The following PAK2 variants were observed in gnomAD, a reference collection of about 807,000 sequenced individuals.
The protein encoded by PAK2 is p21 (RAC1) activated kinase 2, also known as serine/threonine-protein kinase PAK 2.
A neutral mutation model predicts 65.9 loss-of-function variants in PAK2; 21 were observed. The ratio of observed to expected loss-of-function variants is 0.32; its 90% CI spans 0.23 to 0.46. The LOEUF (loss-of-function observed/expected upper bound fraction) is 0.46, where lower values mean the gene tolerates loss of function less well. Ranked by LOEUF, PAK2 falls within the 20% of genes least tolerant of loss-of-function variation. The probability of loss-of-function intolerance (pLI) is 1.00; values close to 1 mark genes in which losing one functional copy is unlikely to be tolerated. For missense variants in PAK2, 324 were observed against 642.6 expected (o/e 0.50, Z 5.36); for synonymous variants, 204 against 219.7 (o/e 0.93, Z 0.63).
chr3:196,825,425 C>T (rs771700838), intron 13 of PAK2, among the ~76,000 whole-genome samples: 162 of 150,548 alleles, frequency 1.1e-3, no homozygotes, highest in African/African-American at 3.6e-3. Flanking sequence ...GGGCAGATCA[C>T]AAAGTTGGGA....
intron 12 of PAK2, among the ~76,000 whole-genome samples, chr3:196,819,225 T>C (rs1280584505): frequency 6.6e-6 from 1 of 152,094 alleles, no homozygotes; most frequent in East Asian, 1.9e-4. Flanking sequence ...GTGGATTGCT[T>C]GAGCCCAGGA....
chr3:196,748,870 A>G (rs139245403), intron 1 of PAK2, among the ~76,000 whole-genome samples: 2,322 of 152,266 alleles, frequency 0.015, 104 homozygotes, highest in Admixed American at 0.097. Context: ...ATAGTGTGCA[A>G]TTATCACCAC....
intron 1 of PAK2, among the ~76,000 whole-genome samples, chr3:196,756,358 T>TA (rs1023543829): frequency 3.3e-5 from 5 of 152,230 alleles, no homozygotes; most frequent in African/African-American, 1.2e-4. Flanking sequence ...TTCTGGGTTT[T>TA]TTTTGCCTAA....
chr3:196,782,578 TCGTGCTA>T, intron 1 of PAK2, 41 bp from the exon 2 acceptor site: 1 of 867,968 alleles, frequency 1.2e-6, no homozygotes, highest in Non-Finnish European at 1.8e-6. Context: ...TTTTGCTTGT[TCGTGCTA>T]TTTTTTACTT....
intron 1 of PAK2, chr3:196,747,254 GTGTTTTCGATGAGCGGTAAT>G: frequency 6.6e-6 from 1 of 151,658 alleles, no homozygotes; most frequent in East Asian, 1.9e-4. Context: ...TTCCTTTAAT[GTGTTTTCGATGAGCGGTAAT>G]CGCTCCTCGG....
At chr3:196,827,065 A>C (rs1487542234) in intron 13 of PAK2, 131 bp from the exon 14 acceptor site, 5 of 500,194 alleles carry the variant, frequency 1.0e-5, no homozygotes, top group Non-Finnish European at 1.8e-5. Context: ...TTTAAATGGG[A>C]TAATGATAAC....
At chr3:196,755,101 G>A (rs143839153) in intron 1 of PAK2, among the ~76,000 whole-genome samples, 1 of 152,258 alleles carries the variant, frequency 6.6e-6, no homozygotes, top group Non-Finnish European at 1.5e-5. Context: ...AAATTGTATT[G>A]GTGGAGATTT....
chr3:196,789,565 C>CA (rs889852626), intron 2 of PAK2, among the ~76,000 whole-genome samples: 2 of 151,960 alleles, frequency 1.3e-5, no homozygotes, highest in Admixed American at 6.6e-5. Flanking sequence ...TGGGTACAAG[C>CA]AATTCCCCTG....
intron 3 of PAK2, 58 bp downstream of exon 3, chr3:196,802,085 C>A: frequency 1.1e-6 from 1 of 892,880 alleles, no homozygotes; most frequent in South Asian, 1.4e-5. Flanking sequence ...CAAACATTTT[C>A]CTTCATTATT....
At chr3:196,792,312 G>A (rs981154063) in intron 2 of PAK2, among the ~76,000 whole-genome samples, 6 of 152,178 alleles carry the variant, frequency 3.9e-5, no homozygotes, top group South Asian at 4.1e-4. Context: ...AGGGTATTCC[G>A]TTAGAAGCCA....
intron 1 of PAK2, among the ~76,000 whole-genome samples, chr3:196,780,424 G>A (rs1328212449): frequency 6.6e-6 from 1 of 152,220 alleles, no homozygotes; most frequent in Non-Finnish European, 1.5e-5. Flanking sequence ...TACGTGGATG[G>A]TGGCAGGCAA....
chr3:196,760,672 G>T (rs1159317691), intron 1 of PAK2, among the ~76,000 whole-genome samples: 1 of 152,186 alleles, frequency 6.6e-6, no homozygotes, highest in African/African-American at 2.4e-5. Context: ...CAGTTTGAAT[G>T]CATAAGGATG....
chr3:196,811,137 C>T lies in PAK2; in HGVS notation c.773+484C>T, dbSNP rs922646433. On this transcript the variant is annotated intron_variant, in intron 8 of 14. Transcript: ENST00000327134. ...TTTAATGTTATTAAACTCTGGAAAG[C>T]ATTCTGTGAATTTAGAGTGAGGGCT... 3.3e-5 allele frequency among the ~76,000 whole-genome samples: 5 copies of T among 151,298 alleles called. No individual in the cohort carries two copies. In the Admixed American group the frequency reaches 3.3e-4, roughly 10 times the overall value.
At chr3:196,808,799 T>C (rs550146882) in intron 7 of PAK2, among the ~76,000 whole-genome samples, 1 of 152,156 alleles carries the variant, frequency 6.6e-6, no homozygotes, top group East Asian at 1.9e-4. Flanking sequence ...AGGCGGAGAT[T>C]GCAGTGAGCC....
chr3:196,825,557 C>T (rs181440285), intron 13 of PAK2, among the ~76,000 whole-genome samples: 161 of 150,964 alleles, frequency 1.1e-3, no homozygotes, highest in African/African-American at 3.7e-3. Flanking sequence ...GCAGGAGAAT[C>T]GCTTGAACTC....
chr3:196,796,750 G>A (rs994576277), intron 2 of PAK2, among the ~76,000 whole-genome samples: 3 of 152,156 alleles, frequency 2.0e-5, no homozygotes, highest in Non-Finnish European at 4.4e-5. Context: ...ATACAAAAAG[G>A]TGTGTTAACA....
At chr3:196,746,813 TAAAA>T (rs71621294) in intron 1 of PAK2, among the ~76,000 whole-genome samples, 1 of 129,070 alleles carries the variant, frequency 7.7e-6, no homozygotes, top group Non-Finnish European at 1.6e-5. Context: ...TCTGTCTCAT[TAAAA>T]AAAAAAAAAA....
chr3:196,797,837 A>G (rs1341768824), intron 2 of PAK2, among the ~76,000 whole-genome samples: 2 of 152,240 alleles, frequency 1.3e-5, no homozygotes, highest in Admixed American at 6.5e-5. Flanking sequence ...ATCAGTCACA[A>G]GAAGGTCTCT....
chr3:196,753,823 T>C lies in PAK2; in HGVS notation c.-22+13666T>C, dbSNP rs1478149279. Among the ~76,000 whole-genome samples the C allele has an allele frequency of 1.3e-5, 2 of 152,228 alleles. 1 individual carries two copies. Among genetic ancestry groups the C allele is most frequent in the Non-Finnish European group, 2.9e-5 (2 of 68,036 alleles). On this transcript the variant is annotated intron_variant, in intron 1 of 14. Transcript: ENST00000327134. ...TAAAAATATTTTGACAGATTCTGTC[T>C]TGTACATGTTCACTAATGTTGCCTG...
Sources: allele counts gnomAD v4.1 joint callset (sites outside exome capture counted in the v4.1 genomes callset), GRCh38; gene constraint gnomAD v4.1.1; transcripts MANE v1.5; gene names NCBI Gene and HGNC (gene_info 2026-07-23, HGNC 2026-07-21).